HYDIN: variants seen among roughly 807,000 people sequenced by gnomAD.
HYDIN encodes the protein axonemal central pair apparatus protein HYDIN.
In HYDIN, 132 loss-of-function variants were observed where a neutral mutation model predicts 403.9. The ratio of observed to expected loss-of-function variants is 0.33; its 90% CI spans 0.28 to 0.38. The LOEUF is 0.38. HYDIN is among the 10% of genes least tolerant of loss of function. The pLI is 1.00. For synonymous variants in HYDIN, 1,202 were observed against 1,891.7 expected, an observed-to-expected ratio of 0.64 and a Z score of 9.46; for missense variants, 2,827 against 5,009.5, an observed-to-expected ratio of 0.56 and a Z score of 13.15.
At chr16:71,193,280 G>A (rs193047602) in intron 1 of HYDIN, among the ~76,000 whole-genome samples, 17 of 152,232 alleles carry the variant, frequency 1.1e-4, no homozygotes, top group Middle Eastern at 3.4e-3. Flanking sequence ...GAACTATTTC[G>A]CTCATTTGGT....
At chr16:70,854,478 G>A (rs568002081) in intron 73 of HYDIN, among the ~76,000 whole-genome samples, 4 of 151,292 alleles carry the variant, frequency 2.6e-5, no homozygotes, top group African/African-American at 9.7e-5. Flanking sequence ...GCAGTGGTGC[G>A]ATCTCAGCTC....
intron 5 of HYDIN, among the ~76,000 whole-genome samples, chr16:71,171,333 G>A (rs918653516): frequency 2.0e-5 from 3 of 152,134 alleles, no homozygotes; most frequent in African/African-American, 7.2e-5. Flanking sequence ...CCTTACTTTT[G>A]AAAGAAAGCA....
At chr16:70,872,567 A>C (rs1366507644) in intron 64 of HYDIN, among the ~76,000 whole-genome samples, 3 of 122,342 alleles carry the variant, frequency 2.5e-5, no homozygotes, top group Admixed American at 8.8e-5. Flanking sequence ...ACCCTCCCCC[A>C]TCCTGCCATC....
intron 75 of HYDIN, 72 bp from the exon 76 acceptor site, chr16:70,840,305 G>A (rs2037729871): frequency 2.3e-6 from 3 of 1,278,554 alleles, no homozygotes; most frequent in Non-Finnish European, 3.2e-6. Context: ...GTCCTCAGGT[G>A]AAGCAGGAAA....
At chr16:70,927,577 C>T (rs1416294821) in intron 45 of HYDIN, among the ~76,000 whole-genome samples, 1 of 139,368 alleles carries the variant, frequency 7.2e-6, no homozygotes, top group Non-Finnish European at 1.6e-5. Context: ...CAGGAGCAGT[C>T]AAAGTGCTGG....
chr16:70,856,664 T>C (rs553357162), intron 72 of HYDIN, among the ~76,000 whole-genome samples: 184 of 152,362 alleles, frequency 1.2e-3, no homozygotes, highest in Non-Finnish European at 2.3e-3. Flanking sequence ...AATGATTATA[T>C]TGAAACGTAC....
Position 71,067,406 on chromosome 16 carries a change from T to G in HYDIN, c.1975-16A>C. 8 of 1,590,816 alleles carry G rather than the reference T, an allele frequency of 5.0e-6. No individual in the cohort carries two copies. Among genetic ancestry groups the G allele is most frequent in the Non-Finnish European group, 6.9e-6 (8 of 1,163,926 alleles). ...ATAATGTCACCTGGAAAGAAAAAGG[T>G]GACAAGTTGGTCTTCGAAAAAGCAC... On this transcript the variant is annotated splice_polypyrimidine_tract_variant and intron_variant, in intron 14 of 85. Coordinates refer to ENST00000393567, the MANE Select transcript of HYDIN (RefSeq NM_001270974.2).
intron 35 of HYDIN, among the ~76,000 whole-genome samples, chr16:70,971,664 G>T (rs2078737587): frequency 6.6e-6 from 1 of 151,690 alleles, no homozygotes; most frequent in South Asian, 2.1e-4. Flanking sequence ...CAAATGGATG[G>T]AATGTATACA....
chr16:71,206,958 C>A (rs1402693470), intron 1 of HYDIN, among the ~76,000 whole-genome samples: 3 of 152,112 alleles, frequency 2.0e-5, no homozygotes, highest in African/African-American at 7.2e-5. Flanking sequence ...TCACTGGTGT[C>A]CATGAAAGAG....
intron 10 of HYDIN, among the ~76,000 whole-genome samples, chr16:71,112,172 T>TA (rs1437419187): frequency 1.3e-5 from 2 of 152,062 alleles, no homozygotes; most frequent in Non-Finnish European, 2.9e-5. Flanking sequence ...CCTGGGATCC[T>TA]ATAGTCAGCT....
chr16:71,165,012 C>T (rs915143756), intron 5 of HYDIN, among the ~76,000 whole-genome samples: 10 of 152,096 alleles, frequency 6.6e-5, no homozygotes, highest in African/African-American at 2.2e-4. Context: ...ACCACCTCCA[C>T]CCCCGCCACC....
rs988467115 is a variant in HYDIN at position 71,119,947 on chromosome 16, ACTTT to A, written c.1228-4156_1228-4153del. ...GTCATTTATGTCTCTGCAAAAAAAA[ACTTT>A]CTTTCTTTATTACTCAGTTCTAACA... On this transcript the variant is annotated intron_variant, in intron 9 of 85. Coordinates refer to ENST00000393567, the MANE Select transcript of HYDIN (RefSeq NM_001270974.2). 1.0e-3 allele frequency among the ~76,000 whole-genome samples: 159 copies of A among 152,152 alleles called. 2 individuals are homozygous for A. In the South Asian group the frequency reaches 0.026, roughly 25 times the overall value.
At chr16:71,095,290 GTCTTT>G (rs2083243393) in intron 10 of HYDIN, among the ~76,000 whole-genome samples, 1 of 151,366 alleles carries the variant, frequency 6.6e-6, no homozygotes, top group African/African-American at 2.4e-5. Flanking sequence ...TTTAAATTGT[GTCTTT>G]TGGTATTGTG....
intron 4 of HYDIN, among the ~76,000 whole-genome samples, chr16:71,178,310 T>C (rs1211296497): frequency 2.0e-5 from 3 of 150,842 alleles, no homozygotes; most frequent in Non-Finnish European, 4.4e-5. Flanking sequence ...TCCCAGCTAC[T>C]GGGGAGGCTG....
At chr16:71,126,921 C>G (rs2084487697) in intron 9 of HYDIN, among the ~76,000 whole-genome samples, 1 of 151,992 alleles carries the variant, frequency 6.6e-6, no homozygotes, top group African/African-American at 2.4e-5. Flanking sequence ...CAGTAAAAAG[C>G]ACCCTTGGCT....
chr16:71,166,201 T>C (rs2086218227), intron 5 of HYDIN, among the ~76,000 whole-genome samples: 2 of 145,542 alleles, frequency 1.4e-5, no homozygotes, highest in African/African-American at 5.3e-5. Context: ...TATCAGACTT[T>C]TGTATTAAGT....
At chr16:71,191,687 G>A (rs995868446) in intron 1 of HYDIN, among the ~76,000 whole-genome samples, 6 of 151,876 alleles carry the variant, frequency 4.0e-5, no homozygotes, top group Non-Finnish European at 8.8e-5. Context: ...CTCTCTTCCC[G>A]GCAGCTATTT....
intron 2 of HYDIN, 40 bp downstream of exon 2, chr16:71,186,721 T>C (rs760181309): frequency 1.3e-6 from 2 of 1,529,020 alleles, no homozygotes; most frequent in Non-Finnish European, 1.8e-6. Context: ...CTAAGGAGAT[T>C]GCATTAAGTA....
intron 1 of HYDIN, among the ~76,000 whole-genome samples, chr16:71,214,397 T>C (rs927663360): frequency 2.0e-5 from 3 of 152,136 alleles, no homozygotes; most frequent in Admixed American, 1.3e-4. Context: ...CTTGACATGC[T>C]GAGTCTAAGA....
Sources: allele counts gnomAD v4.1 joint callset (sites outside exome capture counted in the v4.1 genomes callset), GRCh38; gene constraint gnomAD v4.1.1; transcripts MANE v1.5; gene names NCBI Gene and HGNC (gene_info 2026-07-23, HGNC 2026-07-21).